Variants in PTPRJ observed in about 807,000 individuals in gnomAD.
PTPRJ encodes the protein protein tyrosine phosphatase receptor type J.
Under a neutral mutation model 141.3 loss-of-function variants are expected in PTPRJ, and 129 were observed. The observed-to-expected ratio is 0.91, with a 90% CI of 0.79 to 1.06. The LOEUF is 1.06. Ranked by LOEUF, PTPRJ falls within the 50% of genes least tolerant of loss-of-function variation. The pLI, the probability that PTPRJ is intolerant of heterozygous loss-of-function variation, is 0.00. For synonymous variants in PTPRJ, 610 were observed against 640.5 expected (o/e 0.95, Z 0.72); for missense variants, 1,601 against 1,679.7 (o/e 0.95, Z 0.82).
intron 3 of PTPRJ, among the ~76,000 whole-genome samples, chr11:48,115,478 A>G (rs1038169023): frequency 6.6e-6 from 1 of 151,658 alleles, no homozygotes; most frequent in African/African-American, 2.4e-5. Context: ...TGAAGGCAAG[A>G]TAAAAGACTT....
At chr11:48,004,770 A>C (rs183415981) in intron 1 of PTPRJ, among the ~76,000 whole-genome samples, 1 of 152,282 alleles carries the variant, frequency 6.6e-6, no homozygotes, top group Non-Finnish European at 1.5e-5. Flanking sequence ...TGCGTGATTT[A>C]GATTCTATCT....
intron 2 of PTPRJ, among the ~76,000 whole-genome samples, chr11:48,111,221 A>G (rs1042417143): frequency 1.4e-5 from 2 of 146,066 alleles, no homozygotes; most frequent in Non-Finnish European, 3.0e-5. Context: ...TGGAGGCTGC[A>G]GTGAGCCGAG....
At chr11:47,998,959 T>C (rs1163231871) in intron 1 of PTPRJ, among the ~76,000 whole-genome samples, 1 of 152,224 alleles carries the variant, frequency 6.6e-6, no homozygotes, top group Non-Finnish European at 1.5e-5. Flanking sequence ...TCTTATGGTC[T>C]GACTAGCCTC....
At chr11:48,157,378 T>G (rs946185030) in intron 21 of PTPRJ, among the ~76,000 whole-genome samples, 2 of 152,198 alleles carry the variant, frequency 1.3e-5, no homozygotes, top group Non-Finnish European at 2.9e-5. Flanking sequence ...TGCTGTGCCT[T>G]AGGAATGGGA....
At chr11:48,071,480 C>T (rs1229946035) in intron 1 of PTPRJ, among the ~76,000 whole-genome samples, 1 of 151,054 alleles carries the variant, frequency 6.6e-6, no homozygotes, top group Non-Finnish European at 1.5e-5. Flanking sequence ...CCACGCCCGG[C>T]TAATTTTTTG....
chr11:48,135,616 G>A (rs747887581), intron 8 of PTPRJ, among the ~76,000 whole-genome samples: 1 of 151,718 alleles, frequency 6.6e-6, no homozygotes, highest in Non-Finnish European at 1.5e-5. Flanking sequence ...CGAGTAGCTG[G>A]GATTACAGGC....
chr11:48,146,880 C>T lies in PTPRJ; in HGVS notation c.2916C>T (p.Val972=). 2.5e-6 allele frequency: 4 copies of T among 1,613,934 alleles called. No individual in the cohort carries two copies. Among genetic ancestry groups the T allele is most frequent in the Non-Finnish European group, 3.4e-6 (4 of 1,179,900 alleles). ...DAVSLPQDPG[V]ICGAVFGCIF... ...TCCCATTTGGACTTTTCTCAGGTGT[C>T]ATCTGTGGAGCGGTTTTTGGCTGTA... Residue 972 remains valine, a synonymous_variant, in exon 15 of 25, where the codon GTC becomes GTT. Transcript: ENST00000418331.
At chr11:48,145,373 A>G (rs1277868279) in intron 14 of PTPRJ, among the ~76,000 whole-genome samples, 1 of 152,154 alleles carries the variant, frequency 6.6e-6, no homozygotes, top group Non-Finnish European at 1.5e-5. Flanking sequence ...TGCAAAGATT[A>G]TTGACTCCCC....
In PTPRJ at chr11:48,155,798, C is replaced by T; in HGVS notation, c.3230-3C>T. On this transcript the variant is annotated splice_polypyrimidine_tract_variant and splice_region_variant and intron_variant, in intron 19 of 24. Coordinates refer to ENST00000418331, the MANE Select transcript of PTPRJ (RefSeq NM_002843.4). The stretch of plus-strand genomic sequence containing the variant: ...GGGGACCTTTTTTCTTTTAATGTCA[C>T]AGATGATATTTCCCGTGTCAAACTT... The T allele has an allele frequency of 6.3e-7, 1 of 1,589,046 alleles. No individual in the cohort carries two copies. The highest frequency in any genetic ancestry group is 8.6e-7 in the Non-Finnish European group (1 of 1,159,892).
chr11:48,064,757 CG>C (rs1041209268), intron 1 of PTPRJ, among the ~76,000 whole-genome samples: 116 of 151,996 alleles, frequency 7.6e-4, no homozygotes, highest in African/African-American at 2.7e-3. Flanking sequence ...GCGCCCACCA[CG>C]GGCCCGAGAA....
intron 1 of PTPRJ, among the ~76,000 whole-genome samples, chr11:48,056,086 C>T (rs1287622733): frequency 6.6e-6 from 1 of 152,170 alleles, no homozygotes; most frequent in Admixed American, 6.5e-5. Flanking sequence ...GTATCACACA[C>T]TGTGGATAAA....
At chr11:48,132,564 G>A in intron 8 of PTPRJ, 1 of 975,814 alleles carries the variant, frequency 1.0e-6, no homozygotes, top group Non-Finnish European at 1.2e-6. Context: ...CTTTTATACA[G>A]AGGGTAGAAT....
intron 16 of PTPRJ, 183 bp downstream of exon 16, chr11:48,149,671 A>C (rs867458085): frequency 2.2e-5 from 12 of 555,398 alleles, no homozygotes; most frequent in South Asian, 2.6e-5. Flanking sequence ...AGTCTCCTGA[A>C]GCTGGCTTCC....
chr11:48,121,330 T>C, intron 4 of PTPRJ, 64 bp downstream of exon 4: 1 of 1,530,104 alleles, frequency 6.5e-7, no homozygotes. Context: ...TTCTAGGGCC[T>C]TGTCCGTTCA....
At position 48,167,191 on chromosome 11, in the gene PTPRJ, G is replaced by A. The variant is rs770274011; in HGVS notation, c.3856-13G>A. On this transcript the variant is annotated splice_polypyrimidine_tract_variant and intron_variant, in intron 24 of 24. Transcript: ENST00000418331. ...TGTTCATTTTCTGTCTCTCTCTTTC[G>A]TTTTTCTATCAGGACCAGTATGTTT... The A allele has an allele frequency of 1.6e-5, 25 of 1,598,360 alleles. No individual in the cohort carries two copies. Among genetic ancestry groups the A allele is most frequent in the African/African-American group, 4.0e-5 (3 of 74,184 alleles).
At chr11:48,092,773 T>C (rs937568937) in intron 1 of PTPRJ, among the ~76,000 whole-genome samples, 31 of 152,194 alleles carry the variant, frequency 2.0e-4, no homozygotes, top group African/African-American at 7.0e-4. Context: ...AGTGAAGTTG[T>C]GCAGTGTTTG....
intron 8 of PTPRJ, among the ~76,000 whole-genome samples, chr11:48,135,017 A>G (rs1857057632): frequency 6.6e-6 from 1 of 152,158 alleles, no homozygotes; most frequent in South Asian, 2.1e-4. Flanking sequence ...CAAAACAAAA[A>G]AACCTCTTTA....
intron 1 of PTPRJ, among the ~76,000 whole-genome samples, chr11:48,099,085 A>C (rs941618494): frequency 3.3e-5 from 5 of 152,236 alleles, no homozygotes; most frequent in African/African-American, 1.2e-4. Context: ...AATTTAGCTC[A>C]GATCTCAAGC....
chr11:48,110,797 T>C (rs913336223), intron 2 of PTPRJ, among the ~76,000 whole-genome samples: 14 of 152,228 alleles, frequency 9.2e-5, no homozygotes, highest in Admixed American at 6.5e-4. Context: ...GACTCCCGCA[T>C]GTTTTGCTTT....
Sources: allele counts gnomAD v4.1 joint callset (sites outside exome capture counted in the v4.1 genomes callset), GRCh38; gene constraint gnomAD v4.1.1; transcripts MANE v1.5; gene names NCBI Gene and HGNC (gene_info 2026-07-23, HGNC 2026-07-21).